The following PAPPA variants were observed in gnomAD, a reference collection of about 807,000 sequenced individuals.
PAPPA encodes the protein pappalysin 1, also known as pappalysin-1.
Under a neutral mutation model 164.0 loss-of-function variants are expected in PAPPA, and 60 were observed. The ratio of observed to expected loss-of-function variants is 0.37; its 90% CI spans 0.30 to 0.45. The LOEUF is 0.45. PAPPA is among the 20% of genes least tolerant of loss of function. PAPPA has a pLI of 1.00. For synonymous variants in PAPPA, 875 were observed against 814.1 expected (o/e 1.07, Z -1.27); for missense variants, 1,782 against 2,087.3 (o/e 0.85, Z 2.85).
intron 17 of PAPPA, among the ~76,000 whole-genome samples, chr9:116,362,006 C>T (rs759696017): frequency 2.0e-5 from 3 of 151,890 alleles, no homozygotes; most frequent in Non-Finnish European, 4.4e-5. Context: ...CTCTTCATGC[C>T]ATTATTGTTG....
At position 116,300,242 on chromosome 9, in the gene PAPPA, TTTTCTC is replaced by T. The variant is rs1845563080; in HGVS notation, c.2954-2509_2954-2504del. Among the ~76,000 whole-genome samples the T allele has an allele frequency of 2.0e-5, 3 of 150,216 alleles. No homozygotes were observed. In the Admixed American group the frequency reaches 2.0e-4, roughly 10 times the overall value. ...GTTTCTTTTGCTCATTCTTTCTTTC[TTTTCTC>T]TTTCTGTTTTTCTTTTGTTTTGTTT... On this transcript the variant is annotated intron_variant, in intron 9 of 21. Coordinates refer to ENST00000328252, the MANE Select transcript of PAPPA (RefSeq NM_002581.5).
intron 13 of PAPPA, among the ~76,000 whole-genome samples, chr9:116,342,090 G>C (rs1020729993): frequency 3.3e-5 from 5 of 152,148 alleles, no homozygotes; most frequent in Non-Finnish European, 5.9e-5. Flanking sequence ...TTTCCCTCTG[G>C]GTCTTCATAA....
intron 2 of PAPPA, among the ~76,000 whole-genome samples, chr9:116,196,144 C>A (rs1158872666): frequency 6.6e-6 from 1 of 152,250 alleles, no homozygotes; most frequent in East Asian, 1.9e-4. Flanking sequence ...CTTGCCCCAG[C>A]ATACTCTATA....
intron 21 of PAPPA, among the ~76,000 whole-genome samples, chr9:116,383,541 A>G (rs1846761583): frequency 6.6e-6 from 1 of 152,216 alleles, no homozygotes; most frequent in Admixed American, 6.5e-5. Flanking sequence ...TGATAGAAAG[A>G]GTGAGGTTCC....
intron 21 of PAPPA, among the ~76,000 whole-genome samples, chr9:116,392,798 A>G (rs1182762320): frequency 6.6e-6 from 1 of 152,190 alleles, no homozygotes; most frequent in East Asian, 1.9e-4. Context: ...GAGCCCTTCG[A>G]GGTCTTGATA....
intron 15 of PAPPA, among the ~76,000 whole-genome samples, chr9:116,351,774 C>T (rs1363707991): frequency 6.6e-6 from 1 of 152,194 alleles, no homozygotes; most frequent in African/African-American, 2.4e-5. Context: ...GCACTCGGTA[C>T]ATAGTAACTG....
chr9:116,193,455 T>G (rs1844067868), intron 2 of PAPPA, among the ~76,000 whole-genome samples: 1 of 152,114 alleles, frequency 6.6e-6, no homozygotes, highest in South Asian at 2.1e-4. Flanking sequence ...AATGGATCAG[T>G]AGATGGGTCC....
chr9:116,178,969 C>G (rs548418500), intron 1 of PAPPA, among the ~76,000 whole-genome samples: 47 of 152,324 alleles, frequency 3.1e-4, no homozygotes, highest in African/African-American at 1.1e-3. Flanking sequence ...CCCAAATGTA[C>G]CACATAAGTC....
intron 10 of PAPPA, among the ~76,000 whole-genome samples, chr9:116,328,899 C>T (rs1845954327): frequency 6.6e-6 from 1 of 152,172 alleles, no homozygotes; most frequent in Non-Finnish European, 1.5e-5. Flanking sequence ...TTTTGGTTAT[C>T]TGTATTATCC....
chr9:116,375,142 A>G (rs1221939998), intron 19 of PAPPA, among the ~76,000 whole-genome samples: 2 of 152,260 alleles, frequency 1.3e-5, no homozygotes, highest in Non-Finnish European at 2.9e-5. Flanking sequence ...CTTGTGGATG[A>G]GAGAACCAAA....
At chr9:116,369,017 A>C (rs958105332) in intron 19 of PAPPA, among the ~76,000 whole-genome samples, 1 of 151,240 alleles carries the variant, frequency 6.6e-6, no homozygotes, top group African/African-American at 2.4e-5. Context: ...TTCTGTCTTC[A>C]TCTTACTCTC....
intron 7 of PAPPA, among the ~76,000 whole-genome samples, chr9:116,247,964 T>C (rs1844816060): frequency 1.3e-5 from 2 of 152,218 alleles, no homozygotes; most frequent in East Asian, 1.9e-4. Flanking sequence ...TGGGAAAAAC[T>C]GATAAGATAA....
At chr9:116,343,242 T>C (rs1156252532) in intron 13 of PAPPA, among the ~76,000 whole-genome samples, 3 of 152,198 alleles carry the variant, frequency 2.0e-5, no homozygotes, top group Non-Finnish European at 4.4e-5. Context: ...CTTGCCTAAC[T>C]ATAATACAAG....
Position 116,401,121 on chromosome 9 carries a change from G to A in PAPPA, c.*4505G>A, listed in dbSNP as rs961610966. Reference sequence around the variant, plus strand: ...TTCAAGGAATAAAGCCGGAGCTCCTGAATTGTAGTCCACCTTAAAAGAGAG... The same window carrying A: ...TTCAAGGAATAAAGCCGGAGCTCCTAAATTGTAGTCCACCTTAAAAGAGAG... On this transcript the variant is annotated 3_prime_UTR_variant, in exon 22 of 22. Coordinates refer to ENST00000328252, the MANE Select transcript of PAPPA (RefSeq NM_002581.5). The A allele has an allele frequency of 6.6e-6, 1 of 152,602 alleles. No individual in the cohort carries two copies. Among genetic ancestry groups the A allele is most frequent in the Non-Finnish European group, 1.5e-5 (1 of 68,028 alleles). The allele number at this position is 152,602 out of a possible 1,614,324, so 9.5% of individuals were successfully genotyped here.
chr9:116,377,134 T>C (rs984761431), intron 19 of PAPPA, among the ~76,000 whole-genome samples: 2 of 151,782 alleles, frequency 1.3e-5, no homozygotes, highest in East Asian at 3.9e-4. Flanking sequence ...TGCTCCACAG[T>C]TTTCTCCCAT....
intron 7 of PAPPA, among the ~76,000 whole-genome samples, chr9:116,236,218 C>G (rs1462414937): frequency 2.0e-5 from 3 of 151,970 alleles, no homozygotes; most frequent in African/African-American, 7.3e-5. Context: ...ATCCTTAGGG[C>G]CTTTGCAGCT....
chr9:116,264,275 T>C (rs1384960822), intron 7 of PAPPA, among the ~76,000 whole-genome samples: 1 of 152,102 alleles, frequency 6.6e-6, no homozygotes, highest in Non-Finnish European at 1.5e-5. Flanking sequence ...ATCAACAAAT[T>C]AGGATTCGAG....
chr9:116,357,355 A>G lies in PAPPA; in HGVS notation c.4347+3562A>G, dbSNP rs183691513. Among the ~76,000 whole-genome samples the G allele has an allele frequency of 2.0e-5, 3 of 152,338 alleles. No homozygotes were observed. In the East Asian group the frequency reaches 5.8e-4, roughly 29 times the overall value. On this transcript the variant is annotated intron_variant, in intron 17 of 21. Transcript: ENST00000328252. ...ACTTACGGTATTCTCGTCTCTTTAA[A>G]CCATGACAGAGAACCTTAATAATAA...
chr9:116,298,683 T>A (rs1027067920), intron 9 of PAPPA, among the ~76,000 whole-genome samples: 5 of 152,236 alleles, frequency 3.3e-5, no homozygotes, highest in African/African-American at 1.2e-4. Flanking sequence ...ATTCGTTCAT[T>A]CAACAAATAT....
Sources: allele counts gnomAD v4.1 joint callset (sites outside exome capture counted in the v4.1 genomes callset), GRCh38; gene constraint gnomAD v4.1.1; transcripts MANE v1.5; gene names NCBI Gene and HGNC (gene_info 2026-07-23, HGNC 2026-07-21).